The following ITPR1 variants were observed in gnomAD, a reference collection of about 807,000 sequenced individuals.
ITPR1 encodes inositol 1,4,5-trisphosphate receptor type 1.
Under a neutral mutation model 318.4 loss-of-function variants are expected in ITPR1, and 96 were observed. That is an observed-to-expected ratio of 0.30 (90% CI 0.26 to 0.36). The LOEUF is 0.36. ITPR1 is among the 10% of genes least tolerant of loss of function. The pLI, the probability that ITPR1 is intolerant of heterozygous loss-of-function variation, is 1.00. For synonymous variants in ITPR1, 1,312 were observed against 1,289.9 expected, an observed-to-expected ratio of 1.02 and a Z score of -0.37; for missense variants, 2,440 against 3,460.2, an observed-to-expected ratio of 0.71 and a Z score of 7.40.
At chr3:4,657,522 C>T (rs796672901) in intron 12 of ITPR1, among the ~76,000 whole-genome samples, 10 of 148,650 alleles carry the variant, frequency 6.7e-5, no homozygotes, top group South Asian at 6.4e-4. Context: ...GGCTGAAATG[C>T]GGTGGCGCGA....
intron 45 of ITPR1, among the ~76,000 whole-genome samples, chr3:4,767,514 G>A (rs865882966): frequency 1.1e-4 from 17 of 152,186 alleles, no homozygotes; most frequent in African/African-American, 2.7e-4. Context: ...ACTGTTCAAC[G>A]TTCTTTTTTA....
chr3:4,673,446 C>T, intron 21 of ITPR1, 59 bp downstream of exon 21: 1 of 1,428,536 alleles, frequency 7.0e-7, no homozygotes, highest in Non-Finnish European at 9.3e-7. Context: ...TAGATAGCCC[C>T]ATATGGTCTC....
intron 22 of ITPR1, among the ~76,000 whole-genome samples, chr3:4,674,807 T>G (rs1306180389): frequency 6.6e-6 from 1 of 151,754 alleles, no homozygotes; most frequent in East Asian, 1.9e-4. Flanking sequence ...ATATTATCCT[T>G]GGGAAGCTGT....
intron 30 of ITPR1, among the ~76,000 whole-genome samples, chr3:4,687,885 G>C (rs909836973): frequency 6.6e-6 from 1 of 152,100 alleles, no homozygotes; most frequent in Non-Finnish European, 1.5e-5. Flanking sequence ...GCTCTAATGT[G>C]TGATCTCAGG....
At chr3:4,753,098 G>A (rs934862122) in intron 44 of ITPR1, among the ~76,000 whole-genome samples, 1 of 152,198 alleles carries the variant, frequency 6.6e-6, no homozygotes, top group African/African-American at 2.4e-5. Context: ...AGTAGCAGAG[G>A]GCAAGAGTAT....
At chr3:4,658,009 C>T in intron 12 of ITPR1, 115 bp from the exon 13 acceptor site, 7 of 1,000,462 alleles carry the variant, frequency 7.0e-6, no homozygotes, top group Non-Finnish European at 1.0e-5. Context: ...CCTTTTCCTG[C>T]CAACTGCTGA....
At chr3:4,669,124 A>G (rs1177711724) in intron 18 of ITPR1, among the ~76,000 whole-genome samples, 2 of 152,242 alleles carry the variant, frequency 1.3e-5, no homozygotes, top group African/African-American at 2.4e-5. Flanking sequence ...GGGCTCAGGT[A>G]GTGAGCAATG....
At chr3:4,717,330 A>T in intron 39 of ITPR1, 37 bp from the exon 40 acceptor site, 10 of 1,431,816 alleles carry the variant, frequency 7.0e-6, no homozygotes, top group Non-Finnish European at 9.7e-6. Context: ...CTTTCCTAAC[A>T]TTTCCTTCTC....
In ITPR1 at chr3:4,780,920, C is replaced by T. The variant is rs116714121; in HGVS notation, c.6387+1275C>T. 4.7e-3 allele frequency among the ~76,000 whole-genome samples: 715 copies of T among 152,332 alleles called. 2 individuals carry two copies. The highest frequency in any genetic ancestry group is 0.017 in the African/African-American group (688 of 41,562). On this transcript the variant is annotated intron_variant, in intron 49 of 61. Transcript: ENST00000649015. ...CAACACCCAGTGAGGTGGCTGGCAC[C>T]GGCTCTTGGGCAGCCCCCCGGTGGT...
In ITPR1 at chr3:4,815,101, A is replaced by G. The variant is rs766227033; in HGVS notation, c.7750A>G (p.Met2584Val). The G allele has an allele frequency of 5.6e-6, 9 of 1,613,834 alleles. No individual in the cohort carries two copies. The highest frequency in any genetic ancestry group is 7.6e-6 in the Non-Finnish European group (9 of 1,179,776). Residue 2584 changes from methionine (M) to valine (V), a missense_variant, in exon 59 of 62, where the codon ATG becomes GTG. Around this residue, in one of 23 missense-constraint regions of ITPR1, gnomAD observed 72 missense variants for 197.7 expected, o/e 0.36. Coordinates refer to ENST00000649015, the MANE Select transcript of ITPR1 (RefSeq NM_001378452.1). ...TATTTATGACCTCTTGTTCTTCTTC[A>G]TGGTCATCATCATTGTTCTTAACCT... ...RVIYDLLFFF[M>V]VIIIVLNLIF...
chr3:4,832,070 T>G (rs1187739067), intron 60 of ITPR1, among the ~76,000 whole-genome samples: 1 of 152,244 alleles, frequency 6.6e-6, no homozygotes. Context: ...ATTTGAGATT[T>G]AATTTCACAG....
chr3:4,571,373 C>G (rs1188151811), intron 4 of ITPR1, among the ~76,000 whole-genome samples: 1 of 151,954 alleles, frequency 6.6e-6, no homozygotes, highest in African/African-American at 2.4e-5. Context: ...AAGGGTCTTG[C>G]TCTGTCACCC....
At chr3:4,620,806 T>A (rs2092600311) in intron 4 of ITPR1, among the ~76,000 whole-genome samples, 1 of 151,952 alleles carries the variant, frequency 6.6e-6, no homozygotes, top group Non-Finnish European at 1.5e-5. Flanking sequence ...TTTTTTGAAT[T>A]TGAATCGGGA....
rs1040882194 is a variant in ITPR1, at chr3:4,571,658, C to T, written c.163+50564C>T. Among the ~76,000 whole-genome samples the T allele has an allele frequency of 7.2e-5, 11 of 152,104 alleles. No homozygotes were observed. The East Asian group carries it at 9.6e-4, about 13-fold the overall frequency. On this transcript the variant is annotated intron_variant, in intron 4 of 61. Transcript: ENST00000649015. ...CTGATTTCACTTCTTACCTACCACA[C>T]GTGTTGTCTCCCTTCTTTAGGCCTT...
At chr3:4,711,670 C>T (rs968214069) in intron 38 of ITPR1, 87 bp from the exon 39 acceptor site, 23 of 735,292 alleles carry the variant, frequency 3.1e-5, no homozygotes, top group Admixed American at 8.8e-5. Flanking sequence ...TGTTCATTAA[C>T]GGACTAGTTA....
chr3:4,510,294 A>C (rs2081709695), intron 2 of ITPR1, among the ~76,000 whole-genome samples: 1 of 152,188 alleles, frequency 6.6e-6, no homozygotes, highest in African/African-American at 2.4e-5. Context: ...GATCATGAAG[A>C]GCTCCAAAGA....
chr3:4,575,647 G>A (rs190804299), intron 4 of ITPR1, among the ~76,000 whole-genome samples: 1 of 152,132 alleles, frequency 6.6e-6, no homozygotes, highest in East Asian at 1.9e-4. Context: ...TGTGTTGGAG[G>A]AGGGTAGGGT....
At chr3:4,705,421 T>G (rs9871443) in intron 36 of ITPR1, among the ~76,000 whole-genome samples, 40,823 of 152,070 alleles carry the variant, frequency 0.27, 6,702 homozygotes, top group Non-Finnish European at 0.38. Flanking sequence ...CGATTCGAAT[T>G]TCACCACTTT....
chr3:4,607,448 C>T (rs2091780902), intron 4 of ITPR1, among the ~76,000 whole-genome samples: 1 of 152,074 alleles, frequency 6.6e-6, no homozygotes, highest in African/African-American at 2.4e-5. Flanking sequence ...TAATAAAGTC[C>T]CCTTATAAAC....
Sources: gnomAD v4.1 joint callset for allele counts (sites outside exome capture counted in the v4.1 genomes callset) on GRCh38, gnomAD v4.1.1 for gene constraint, gnomAD v4.1.1 regional missense constraint, MANE v1.5 for transcripts, NCBI Gene and HGNC (gene_info 2026-07-23, HGNC 2026-07-21) for gene names.